Variants in TSPAN2 observed in about 807,000 individuals in gnomAD.
TSPAN2 encodes the protein tetraspanin 2.
A neutral mutation model predicts 33.3 loss-of-function variants in TSPAN2; 24 were observed. The observed-to-expected ratio is 0.72, with a 90% CI of 0.52 to 1.01. The LOEUF is 1.01. Among genes scored for constraint, TSPAN2 ranks in the 50% least tolerant of loss-of-function variants. TSPAN2 has a pLI of 0.00. For synonymous variants in TSPAN2, 114 were observed against 104.5 expected, an observed-to-expected ratio of 1.09 and a Z score of -0.56; for missense variants, 278 against 281.3, an observed-to-expected ratio of 0.99 and a Z score of 0.08.
In TSPAN2 at chr1:115,058,905, G is replaced by A. The variant is rs1277177270; in HGVS notation, c.422C>T (p.Thr141Ile). 3 of 1,613,608 alleles carry A rather than the reference G, an allele frequency of 1.9e-6. No individual in the cohort carries two copies. Among genetic ancestry groups the A allele is most frequent in the Non-Finnish European group, 2.5e-6 (3 of 1,179,508 alleles). The change falls in exon 5 of 8, where the codon ACA becomes ATA. Residue 141 changes from threonine (T) to isoleucine (I), a missense_variant. Coordinates refer to ENST00000369516, the MANE Select transcript of TSPAN2 (RefSeq NM_005725.6). ...CACTGTTGAGTGGAAGGTGATGAGT[G>A]TCCCATTGCCTTTTCCCCTGTCTTT... The part of the protein sequence containing the change: ...YLKDRGKGNG[T>I]LITFHSTFQC...
At chr1:115,081,391 C>T (rs1156269365) in intron 1 of TSPAN2, among the ~76,000 whole-genome samples, 5 of 152,202 alleles carry the variant, frequency 3.3e-5, no homozygotes, top group Admixed American at 6.5e-5. Flanking sequence ...ATCACCATTA[C>T]GATGTGGAGG....
rs763814716 is a variant in TSPAN2 at position 115,058,996 on chromosome 1, GGAAA to G, written c.346-19_346-16del. The stretch of plus-strand genomic sequence containing the variant: ...TGTCGGATAGCCTGAAGAAATACAA[GGAAA>G]AATGAAGGACTTCTGGGTGGGAAGT... On this transcript the variant is annotated splice_polypyrimidine_tract_variant and intron_variant, in intron 4 of 7. Transcript: ENST00000369516. 5 of 1,596,256 alleles carry G rather than the reference GGAAA, an allele frequency of 3.1e-6. No individual in the cohort carries two copies.
rs944041846 is a variant in TSPAN2 at position 115,072,851 on chromosome 1, T to C, written c.172+54A>G. 5.5e-6 allele frequency: 8 copies of C among 1,462,858 alleles called. No individual in the cohort carries two copies. The African/African-American group carries it at 9.8e-5, about 18-fold the overall frequency. 90.6% of individuals were successfully genotyped at this position (1,462,858 alleles called of 1,614,324 possible). On this transcript the variant is annotated intron_variant, in intron 2 of 7. Coordinates refer to ENST00000369516, the MANE Select transcript of TSPAN2 (RefSeq NM_005725.6). ...TCAAGTGCAGCTTCTGCTCTAAGTCTTTGCACAGCCCCATCTACTCTGAGC... is the reference window on the plus strand; with the variant it reads ...TCAAGTGCAGCTTCTGCTCTAAGTCCTTGCACAGCCCCATCTACTCTGAGC...
intron 2 of TSPAN2, among the ~76,000 whole-genome samples, chr1:115,067,547 A>C (rs868516783): frequency 1.2e-4 from 19 of 152,338 alleles, no homozygotes; most frequent in Middle Eastern, 6.8e-3. Context: ...GGTACAAGTG[A>C]AAACCAAGTA....
chr1:115,057,258 C>CA (rs1016540437), intron 6 of TSPAN2, among the ~76,000 whole-genome samples: 1 of 152,138 alleles, frequency 6.6e-6, no homozygotes, highest in Non-Finnish European at 1.5e-5. Context: ...GTGGTGAAGC[C>CA]AAAAACCCAG....
chr1:115,087,351 C>T (rs1317260230), intron 1 of TSPAN2, among the ~76,000 whole-genome samples: 1 of 151,928 alleles, frequency 6.6e-6, no homozygotes, highest in Admixed American at 6.6e-5. Flanking sequence ...CGCGGTGGCT[C>T]ACGCCTGTAA....
rs150958669 is a variant in TSPAN2 at position 115,065,246 on chromosome 1, C to T, written c.173-3014G>A. ...AGTTCCAAATCTGGCTCTAATACTC[C>T]GCATGCCATAAGGCCACCTGTGGCT... is the stretch of plus-strand genomic sequence containing the variant. On this transcript the variant is annotated intron_variant, in intron 2 of 7. Transcript: ENST00000369516. 5.9e-5 allele frequency among the ~76,000 whole-genome samples: 9 copies of T among 152,302 alleles called. No homozygotes were observed. In the East Asian group the frequency reaches 7.7e-4, roughly 13 times the overall value.
chr1:115,054,348 G>A (rs549216068), intron 6 of TSPAN2, among the ~76,000 whole-genome samples: 1 of 152,186 alleles, frequency 6.6e-6, no homozygotes, highest in South Asian at 2.1e-4. Context: ...CATTTCTTGA[G>A]CATCTACCTT....
chr1:115,058,923 CT>C lies in TSPAN2; in HGVS notation c.403del (p.Arg135GlyfsTer35), dbSNP rs751865889. ...EEAYNDYLKD[R>X]GKGNGTLITF... ...GATGAGTGTCCCATTGCCTTTTCCCCTGTCTTTAAGGTAATCATTGTAAGCC... is the reference window on the plus strand; with the variant it reads ...GATGAGTGTCCCATTGCCTTTTCCCCGTCTTTAAGGTAATCATTGTAAGCC... On this transcript the variant is annotated frameshift_variant, in exon 5 of 8. Transcript: ENST00000369516. LOFTEE classifies it high-confidence loss of function. The C allele has an allele frequency of 6.2e-7, 1 of 1,614,128 alleles. No individual in the cohort carries two copies. The highest frequency in any genetic ancestry group is 1.3e-5 in the African/African-American group (1 of 75,054).
At chr1:115,052,829 A>G (rs1323096046) in intron 7 of TSPAN2, among the ~76,000 whole-genome samples, 2 of 152,204 alleles carry the variant, frequency 1.3e-5, no homozygotes, top group African/African-American at 4.8e-5. Context: ...CTGTATATGT[A>G]GTATCCCATT....
intron 4 of TSPAN2, among the ~76,000 whole-genome samples, chr1:115,060,074 G>C (rs781240319): frequency 6.6e-6 from 1 of 152,050 alleles, no homozygotes; most frequent in African/African-American, 2.4e-5. Flanking sequence ...AGAATGAAAT[G>C]GACCCATCCA....
At chr1:115,055,096 T>C (rs1392638340) in intron 6 of TSPAN2, among the ~76,000 whole-genome samples, 1 of 152,200 alleles carries the variant, frequency 6.6e-6, no homozygotes, top group Non-Finnish European at 1.5e-5. Context: ...TTTTCCTTCC[T>C]ATACATTCAG....
intron 2 of TSPAN2, among the ~76,000 whole-genome samples, chr1:115,063,800 C>T (rs1647822316): frequency 6.6e-6 from 1 of 152,194 alleles, no homozygotes; most frequent in South Asian, 2.1e-4. Context: ...CAAACTATCA[C>T]AGGAACAGAA....
In TSPAN2 at chr1:115,089,453, TC is replaced by T; in HGVS notation, c.-22del. ...CCCATGCTGCGGCCCGGCGGCGGGA[TC>T]CCCAGTCCCCAGGCCCGCGCTACGA... On this transcript the variant is annotated 5_prime_UTR_variant, in exon 1 of 8. Coordinates refer to ENST00000369516, the MANE Select transcript of TSPAN2 (RefSeq NM_005725.6). The T allele has an allele frequency of 6.6e-7, 1 of 1,517,838 alleles. No homozygotes were observed. The highest frequency in any genetic ancestry group is 8.8e-7 in the Non-Finnish European group (1 of 1,130,842). The allele number at this position is 1,517,838 out of a possible 1,614,324, so 94.0% of individuals were successfully genotyped here. A position where few individuals can be genotyped will look rare whatever the true frequency, so the allele number is the denominator to read the frequency against.
At chr1:115,069,971 A>T (rs1402849162) in intron 2 of TSPAN2, among the ~76,000 whole-genome samples, 1 of 152,202 alleles carries the variant, frequency 6.6e-6, no homozygotes, top group Non-Finnish European at 1.5e-5. Context: ...CAACCTTTTG[A>T]TGTATCTAAT....
intron 5 of TSPAN2, 99 bp downstream of exon 5, chr1:115,058,784 T>G: frequency 9.0e-7 from 1 of 1,114,676 alleles, no homozygotes; most frequent in Non-Finnish European, 1.4e-6. Flanking sequence ...TTGGCTTTAC[T>G]GAATTTATTT....
chr1:115,065,195 A>G (rs2101032390), intron 2 of TSPAN2, among the ~76,000 whole-genome samples: 1 of 152,302 alleles, frequency 6.6e-6, no homozygotes, highest in Non-Finnish European at 1.5e-5. Flanking sequence ...CTACAAGAGG[A>G]AAGGTTCCCT....
At chr1:115,082,398 G>T (rs754730655) in intron 1 of TSPAN2, among the ~76,000 whole-genome samples, 1 of 152,130 alleles carries the variant, frequency 6.6e-6, no homozygotes, top group Non-Finnish European at 1.5e-5. Flanking sequence ...TCTCTTCAAT[G>T]CTTCAGACCT....
chr1:115,077,708 C>A (rs1179671642), intron 1 of TSPAN2, among the ~76,000 whole-genome samples: 2 of 152,208 alleles, frequency 1.3e-5, no homozygotes, highest in Admixed American at 1.3e-4. Context: ...GTACTTACTT[C>A]CATTTCCTGG....
Sources: allele counts gnomAD v4.1 joint callset (sites outside exome capture counted in the v4.1 genomes callset), GRCh38; gene constraint gnomAD v4.1.1; transcripts MANE v1.5; gene names NCBI Gene and HGNC (gene_info 2026-07-23, HGNC 2026-07-21).